ARHGEF7: variants seen among roughly 807,000 people sequenced by gnomAD.
The protein encoded by ARHGEF7 is PAK-interacting exchange factor beta.
ARHGEF7 carries 33 observed loss-of-function variants against 109.8 expected under a neutral mutation model. The ratio of observed to expected loss-of-function variants is 0.30; its 90% confidence interval spans 0.23 to 0.40. ARHGEF7 has a LOEUF of 0.40. ARHGEF7 is among the 10% of genes least tolerant of loss of function. ARHGEF7 has a pLI of 1.00. For missense variants in ARHGEF7, 938 were observed against 1,098.5 expected (o/e 0.85, Z 2.07); for synonymous variants, 458 against 424.6 (o/e 1.08, Z -0.97).
intron 2 of ARHGEF7, among the ~76,000 whole-genome samples, chr13:111,158,321 G>A (rs1422374908): frequency 1.3e-5 from 2 of 152,180 alleles, no homozygotes; most frequent in African/African-American, 4.8e-5. Flanking sequence ...AACTGGGTGA[G>A]CCTGTTCTCA....
At position 111,255,670 on chromosome 13, in the gene ARHGEF7, A is replaced by T. The variant is rs1218574514; in HGVS notation, c.950+11376A>T. On this transcript the variant is annotated intron_variant, in intron 8 of 21. Transcript: ENST00000646102. The surrounding 1 kb of genome is among the most constrained non-coding windows in gnomAD (Gnocchi z 4.1). The stretch of plus-strand genomic sequence containing the variant: ...AGCTGGCTGGTGTTCGTGAAAGAAG[A>T]TCTGTTTTCAGTCACATTGGTGAGG... Among the ~76,000 whole-genome samples, 1 of 152,164 alleles carries T rather than the reference A, an allele frequency of 6.6e-6. No individual in the cohort carries two copies. The highest frequency in any genetic ancestry group is 6.5e-5 in the Admixed American group (1 of 15,282).
At chr13:111,291,281 C>T (rs978897101) in intron 18 of ARHGEF7, among the ~76,000 whole-genome samples, 14 of 152,364 alleles carry the variant, frequency 9.2e-5, no homozygotes, top group African/African-American at 1.9e-4. Flanking sequence ...GCCAGCCACT[C>T]GTGATTATTT....
chr13:111,211,854 C>T (rs188332504), intron 4 of ARHGEF7, among the ~76,000 whole-genome samples: 32 of 152,318 alleles, frequency 2.1e-4, no homozygotes, highest in Non-Finnish European at 4.0e-4. Context: ...TGCATTTGAA[C>T]ATTTCCATGA....
intron 2 of ARHGEF7, among the ~76,000 whole-genome samples, chr13:111,188,210 A>T (rs1370956291): frequency 6.6e-6 from 1 of 152,008 alleles, no homozygotes; most frequent in East Asian, 1.9e-4. Context: ...TCTTGGTAGC[A>T]CCTCCTCAGT....
intron 6 of ARHGEF7, among the ~76,000 whole-genome samples, chr13:111,238,512 C>T (rs887069084): frequency 2.0e-5 from 3 of 152,188 alleles, no homozygotes; most frequent in African/African-American, 7.2e-5. Context: ...CTGGAATCCC[C>T]GTAGATTTTG....
chr13:111,133,791 ATATATATATATATATATATAT>A lies in ARHGEF7; in HGVS notation c.165+18101_165+18121del, dbSNP rs1566606809. ...TATATATATATATATATATATATAT[ATATATATATATATATATATAT>A]ATTTATTATACTTTAAGTTCTAGGT... On this transcript the variant is annotated intron_variant, in intron 1 of 21. Transcript: ENST00000646102. Among the ~76,000 whole-genome samples the A allele has an allele frequency of 1.4e-3, 144 of 102,904 alleles. 8 individuals carry two copies. Among genetic ancestry groups the A allele is most frequent in the East Asian group, 5.5e-3 (14 of 2,554 alleles). The allele number at this position is 102,904 out of a possible 152,430, so 67.5% of individuals were successfully genotyped here. A position where few individuals can be genotyped will look rare whatever the true frequency, so the allele number is the denominator to read the frequency against.
At chr13:111,293,394 G>A (rs1156248775) in intron 19 of ARHGEF7, 1 of 980,036 alleles carries the variant, frequency 1.0e-6, no homozygotes, top group Non-Finnish European at 1.2e-6. Context: ...GGATATTGAA[G>A]TTCATTGAAG....
chr13:111,123,490 CACACAT>C (rs1366900671), intron 1 of ARHGEF7, among the ~76,000 whole-genome samples: 4 of 148,672 alleles, frequency 2.7e-5, no homozygotes. Flanking sequence ...ATCACACACA[CACACAT>C]ACATGCCCGT....
intron 2 of ARHGEF7, among the ~76,000 whole-genome samples, chr13:111,199,308 A>G (rs936100733): frequency 6.6e-6 from 1 of 152,222 alleles, no homozygotes; most frequent in African/African-American, 2.4e-5. Flanking sequence ...GAATGTGAAA[A>G]TTTAAGTTTG....
At chr13:111,269,716 G>A (rs1489100555) in intron 9 of ARHGEF7, among the ~76,000 whole-genome samples, 1 of 152,052 alleles carries the variant, frequency 6.6e-6, no homozygotes. Flanking sequence ...AGCAGGTGCC[G>A]CCACTGTGGA....
At chr13:111,123,779 G>A (rs2067353442) in intron 1 of ARHGEF7, among the ~76,000 whole-genome samples, 1 of 151,772 alleles carries the variant, frequency 6.6e-6, no homozygotes, top group African/African-American at 2.4e-5. Context: ...AAGGGAGGTG[G>A]TGACAGGATC....
At chr13:111,154,914 A>T (rs376602371) in intron 2 of ARHGEF7, among the ~76,000 whole-genome samples, 1 of 152,164 alleles carries the variant, frequency 6.6e-6, no homozygotes, top group East Asian at 1.9e-4. Flanking sequence ...AAGCTCCCAG[A>T]TAAGAGTACA....
chr13:111,156,566 T>G (rs1109828), intron 2 of ARHGEF7, among the ~76,000 whole-genome samples: 27,722 of 152,276 alleles, frequency 0.18, 2,675 homozygotes, highest in South Asian at 0.21. Context: ...AGAAGTCATT[T>G]TGTATGCTAT....
chr13:111,153,546 C>T (rs1314363609), intron 1 of ARHGEF7: 2 of 914,388 alleles, frequency 2.2e-6, no homozygotes, highest in Non-Finnish European at 2.7e-6. Context: ...GAGGTGGCAG[C>T]TCGCCGGCAA....
At chr13:111,237,793 A>T (rs899823609) in intron 6 of ARHGEF7, among the ~76,000 whole-genome samples, 2 of 152,240 alleles carry the variant, frequency 1.3e-5, no homozygotes, top group African/African-American at 4.8e-5. Context: ...TACACAGGTG[A>T]TATGATCTCA....
intron 15 of ARHGEF7, chr13:111,282,745 A>C: frequency 4.0e-5 from 9 of 225,134 alleles, no homozygotes; most frequent in Non-Finnish European, 6.1e-5. Flanking sequence ...CTGGGGGGGA[A>C]TCACCTTCCT....
intron 1 of ARHGEF7, among the ~76,000 whole-genome samples, chr13:111,147,741 A>G (rs1381970828): frequency 8.4e-6 from 1 of 118,372 alleles, no homozygotes; most frequent in Non-Finnish European, 1.6e-5. Flanking sequence ...TCTGTCGCCC[A>G]GGCTGGAGTG....
chr13:111,144,774 CG>C, intron 1 of ARHGEF7: 1 of 152,292 alleles, frequency 6.6e-6, no homozygotes, highest in Non-Finnish European at 1.5e-5. Context: ...TGTTTTGTGA[CG>C]GGGGAGTCAC....
rs1402542004 is a variant in ARHGEF7, at chr13:111,145,078, T to TC, written c.166-8823dup. On this transcript the variant is annotated intron_variant, in intron 1 of 21. Coordinates refer to ENST00000646102, the MANE Select transcript of ARHGEF7 (RefSeq NM_001354046.2). This position sits in a 1 kb window ranked among gnomAD's most constrained non-coding sequence, Gnocchi z 4.3. ...AAAAGGTAGATATTATCCACGGTGTTCCCCACGTTCCCTACCACACCAAAC... is the reference window on the plus strand; with the variant it reads ...AAAAGGTAGATATTATCCACGGTGTTCCCCCACGTTCCCTACCACACCAAAC... Among the ~76,000 whole-genome samples the TC allele has an allele frequency of 6.6e-6, 1 of 152,048 alleles. No homozygotes were observed. Among genetic ancestry groups the TC allele is most frequent in the Non-Finnish European group, 1.5e-5 (1 of 68,006 alleles).
Sources: allele counts gnomAD v4.1 joint callset (sites outside exome capture counted in the v4.1 genomes callset), GRCh38; gene constraint gnomAD v4.1.1; non-coding constraint Gnocchi (gnomAD v3.1); transcripts MANE v1.5; gene names NCBI Gene and HGNC (gene_info 2026-07-23, HGNC 2026-07-21).